Variants in ZNF346 observed in about 807,000 individuals in gnomAD.
The protein encoded by ZNF346 is zinc finger protein 346.
In ZNF346, 23 loss-of-function variants were observed where a neutral mutation model predicts 33.7. The ratio of observed to expected loss-of-function variants is 0.68; its 90% CI spans 0.49 to 0.97. The LOEUF (loss-of-function observed/expected upper bound fraction) is 0.97. Among genes scored for constraint, ZNF346 ranks in the 50% least tolerant of loss-of-function variants. ZNF346 has a pLI of 0.00. For missense variants in ZNF346, 340 were observed against 371.1 expected, an observed-to-expected ratio of 0.92 and a Z score of 0.69; for synonymous variants, 134 against 142.4, an observed-to-expected ratio of 0.94 and a Z score of 0.42.
intron 4 of ZNF346, among the ~76,000 whole-genome samples, chr5:177,045,683 T>C (rs527463971): frequency 6.6e-6 from 1 of 151,918 alleles, no homozygotes; most frequent in Non-Finnish European, 1.5e-5. Context: ...TAGAGATGGC[T>C]TCTCACTATA....
chr5:177,042,957 T>C (rs532421747), intron 3 of ZNF346, among the ~76,000 whole-genome samples: 69 of 152,282 alleles, frequency 4.5e-4, no homozygotes, highest in Admixed American at 6.5e-4. Flanking sequence ...GTTCAGGCGA[T>C]TCCCCTGCCT....
chr5:177,035,601 C>G (rs907755768), intron 1 of ZNF346, among the ~76,000 whole-genome samples: 2 of 148,418 alleles, frequency 1.3e-5, no homozygotes, highest in Non-Finnish European at 3.0e-5. Context: ...ACTGGAATTA[C>G]AAGTGCCTTA....
downstream of ZNF346, among the ~76,000 whole-genome samples, chr5:177,068,347 A>G (rs1783336373): frequency 6.9e-6 from 1 of 144,408 alleles, no homozygotes; most frequent in African/African-American, 2.9e-5. Flanking sequence ...CTAAAAAGGT[A>G]AATGTATTGA....
chr5:177,027,288 G>A (rs1209530138), intron 1 of ZNF346, among the ~76,000 whole-genome samples: 2 of 151,932 alleles, frequency 1.3e-5, no homozygotes, highest in Non-Finnish European at 2.9e-5. Flanking sequence ...CCTGACCTCA[G>A]GTGATCCGCC....
At chr5:177,045,374 A>T (rs1390061706) in intron 4 of ZNF346, among the ~76,000 whole-genome samples, 3 of 150,160 alleles carry the variant, frequency 2.0e-5, no homozygotes, top group Admixed American at 6.6e-5. Context: ...TTTTTTTTTG[A>T]GATGGAGTCT....
Position 177,041,202 on chromosome 5 carries a change from T to G in ZNF346, c.252T>G (p.Ser84=). The stretch of plus-strand genomic sequence containing the variant: ...AGGTTTGCTGCGCCTTGCTTATTTC[T>G]GAGTCCCAGAAGCTGGCACATTACC... The part of the protein sequence containing the change: ...QCKVCCALLI[S]ESQKLAHYQS... The change falls in exon 2 of 7, where the codon TCT becomes TCG. Residue 84 remains serine, a synonymous_variant. Transcript: ENST00000358149. 1 of 1,614,232 alleles carries G rather than the reference T, an allele frequency of 6.2e-7. No individual in the cohort carries two copies. The highest frequency in any genetic ancestry group is 8.5e-7 in the Non-Finnish European group (1 of 1,180,016).
chr5:177,072,118 A>G (rs1017120136), downstream of ZNF346, among the ~76,000 whole-genome samples: 1 of 152,236 alleles, frequency 6.6e-6, no homozygotes, highest in African/African-American at 2.4e-5. Flanking sequence ...GAGCCCCTGT[A>G]TATGCTATTT....
chr5:177,075,453 A>G (rs1261033253), intron 8 of ZNF346, among the ~76,000 whole-genome samples: 1 of 152,168 alleles, frequency 6.6e-6, no homozygotes, highest in Non-Finnish European at 1.5e-5. Context: ...TCCTCCCTTC[A>G]ATAGGTCAAG....
intron 1 of ZNF346, among the ~76,000 whole-genome samples, chr5:177,036,288 C>T (rs1561978784): frequency 6.6e-6 from 1 of 152,164 alleles, no homozygotes; most frequent in Non-Finnish European, 1.5e-5. Context: ...AGTCAGACTG[C>T]TTACATGGTG....
chr5:177,063,100 A>C (rs1782743804), intron 6 of ZNF346, among the ~76,000 whole-genome samples: 1 of 151,132 alleles, frequency 6.6e-6, no homozygotes, highest in South Asian at 2.1e-4. Flanking sequence ...GGGTTTCACC[A>C]TATTGGCCAG....
chr5:177,028,697 A>G (rs941510109), intron 1 of ZNF346, among the ~76,000 whole-genome samples: 6 of 143,606 alleles, frequency 4.2e-5, no homozygotes, highest in Non-Finnish European at 7.5e-5. Flanking sequence ...TATTTATAAC[A>G]AGCCCCTTTC....
chr5:177,029,408 C>A (rs2149587392), intron 1 of ZNF346, among the ~76,000 whole-genome samples: 1 of 152,254 alleles, frequency 6.6e-6, no homozygotes, highest in Non-Finnish European at 1.5e-5. Context: ...CTATTTGTAT[C>A]CTTTAACATA....
intron 4 of ZNF346, among the ~76,000 whole-genome samples, chr5:177,046,652 A>T (rs190338366): frequency 1.3e-5 from 2 of 152,346 alleles, no homozygotes; most frequent in South Asian, 2.1e-4. Flanking sequence ...AAAGTTACCC[A>T]TAATTTTACC....
At chr5:177,079,516 T>A (rs889052299) in exon 9 of ZNF346, 1 of 152,188 alleles carries the variant, frequency 6.6e-6, no homozygotes, top group African/African-American at 2.4e-5. Context: ...GCCAACATCT[T>A]GCGACCATGA....
intron 5 of ZNF346, among the ~76,000 whole-genome samples, chr5:177,053,965 A>G (rs1781322244): frequency 6.6e-6 from 1 of 152,214 alleles, no homozygotes; most frequent in Admixed American, 6.6e-5. Flanking sequence ...TGTGGTGAAC[A>G]AAGGGATGAT....
At chr5:177,049,203 G>C in intron 4 of ZNF346, among the ~76,000 whole-genome samples, 1 of 152,140 alleles carries the variant, frequency 6.6e-6, no homozygotes, top group East Asian at 1.9e-4. Context: ...TCAACAAGCA[G>C]AGAAACTGAA....
intron 6 of ZNF346, among the ~76,000 whole-genome samples, chr5:177,062,439 A>T (rs1214536222): frequency 1.3e-5 from 2 of 152,158 alleles, no homozygotes; most frequent in Non-Finnish European, 2.9e-5. Flanking sequence ...TAGCACTCTG[A>T]CTGGGGAAGT....
At chr5:177,034,875 T>G (rs1778253389) in intron 1 of ZNF346, among the ~76,000 whole-genome samples, 1 of 152,222 alleles carries the variant, frequency 6.6e-6, no homozygotes, top group African/African-American at 2.4e-5. Flanking sequence ...AGCATCTTGC[T>G]TCCAGCAGAG....
At position 177,048,174 on chromosome 5, in the gene ZNF346, A is replaced by G. The variant is rs573756138; in HGVS notation, c.518-2577A>G. Among the ~76,000 whole-genome samples, 3 of 151,946 alleles carry G rather than the reference A, an allele frequency of 2.0e-5. No homozygotes were observed. In the East Asian group the frequency reaches 6.1e-4, roughly 31 times the overall value. ...AGGTTATTTTCTGAGAACAGACTCT[A>G]TATCCCTCATTTTATTGGATGCGCA... is the stretch of plus-strand genomic sequence containing the variant. On this transcript the variant is annotated intron_variant, in intron 4 of 6. Coordinates refer to ENST00000358149, the MANE Select transcript of ZNF346 (RefSeq NM_012279.4).
Sources: gnomAD v4.1 joint callset for allele counts (sites outside exome capture counted in the v4.1 genomes callset) on GRCh38, gnomAD v4.1.1 for gene constraint, MANE v1.5 for transcripts, NCBI Gene and HGNC (gene_info 2026-07-23, HGNC 2026-07-21) for gene names.